APC: variants seen among roughly 807,000 people sequenced by gnomAD.
APC encodes the protein APC regulator of Wnt signaling pathway.
Under a neutral mutation model 247.0 loss-of-function variants are expected in APC, and 72 were observed. That is an observed-to-expected ratio of 0.29 (90% CI 0.24 to 0.35). The LOEUF (loss-of-function observed/expected upper bound fraction) is 0.35. APC is among the 10% of genes least tolerant of loss of function. The pLI is 1.00. For synonymous variants in APC, 1,254 were observed against 1,162.5 expected, an observed-to-expected ratio of 1.08 and a Z score of -1.60; for missense variants, 3,400 against 3,360.7, an observed-to-expected ratio of 1.01 and a Z score of -0.29.
chr5:112,829,010 C>CT, intron 14 of APC, 38 bp downstream of exon 14: 1 of 1,468,438 alleles, frequency 6.8e-7, no homozygotes, highest in Non-Finnish European at 9.5e-7. Flanking sequence ...ATATGAATTT[C>CT]ATGTTTGGCT....
At chr5:112,775,221 C>G (rs574956933) in intron 4 of APC, among the ~76,000 whole-genome samples, 10 of 152,222 alleles carry the variant, frequency 6.6e-5, no homozygotes, top group African/African-American at 2.2e-4. Flanking sequence ...GTAATAGCTT[C>G]TTATATTCTG....
intron 14 of APC, among the ~76,000 whole-genome samples, chr5:112,833,620 A>G (rs1408425003): frequency 6.6e-6 from 1 of 152,100 alleles, no homozygotes; most frequent in Non-Finnish European, 1.5e-5. Flanking sequence ...CACCACACCC[A>G]GCACATGGCA....
rs2149903735 is a variant in APC, at chr5:112,839,590, C to G, written c.3996C>G (p.Thr1332=). ...CAGCAGTGTCACAGCACCCTAGAAC[C>G]AAATCCAGCAGACTGCAGGGTTCTA... The part of the protein sequence containing the change: ...EVPAVSQHPR[T]KSSRLQGSSL... The change falls in exon 16 of 16, where the codon ACC becomes ACG. Residue 1332 remains threonine (T), a synonymous_variant. Transcript: ENST00000257430. This position sits in a 1 kb window ranked among gnomAD's most constrained non-coding sequence, Gnocchi z 5.0. 1 of 1,614,132 alleles carries G rather than the reference C, an allele frequency of 6.2e-7. No individual in the cohort carries two copies. The highest frequency in any genetic ancestry group is 8.5e-7 in the Non-Finnish European group (1 of 1,180,006).
intron 4 of APC, among the ~76,000 whole-genome samples, chr5:112,774,931 A>G (rs1271894131): frequency 1.3e-5 from 2 of 152,196 alleles, no homozygotes; most frequent in African/African-American, 4.8e-5. Context: ...AAATTATAAC[A>G]GTGGTAGCTC....
Position 112,768,488 on chromosome 5 carries a change from A to G in APC, c.422+1098A>G, listed in dbSNP as rs921880278. ...CTCTTTTCATTATGGAAGGCCCACTACAAGTGGCCACAAATGAAATACTTC... is the reference window on the plus strand; with the variant it reads ...CTCTTTTCATTATGGAAGGCCCACTGCAAGTGGCCACAAATGAAATACTTC... On this transcript the variant is annotated intron_variant, in intron 4 of 15. Coordinates refer to ENST00000257430, the MANE Select transcript of APC (RefSeq NM_000038.6). 7.9e-5 allele frequency among the ~76,000 whole-genome samples: 12 copies of G among 151,260 alleles called. No homozygotes were observed. In the South Asian group the frequency reaches 2.5e-3, roughly 32 times the overall value.
intron 1 of APC, among the ~76,000 whole-genome samples, chr5:112,732,108 G>A (rs538877723): frequency 6.6e-6 from 1 of 152,262 alleles, no homozygotes; most frequent in African/African-American, 2.4e-5. Context: ...TTTTTCTCAT[G>A]TTAATTGCCA....
chr5:112,810,465 A>G (rs1478305465), intron 8 of APC, among the ~76,000 whole-genome samples: 1 of 152,222 alleles, frequency 6.6e-6, no homozygotes, highest in Non-Finnish European at 1.5e-5. Context: ...TAGCCAAAGA[A>G]AGGAGAGCTG....
chr5:112,786,886 C>CTTTTTTTTTTTTTT (rs1171592849), intron 6 of APC, among the ~76,000 whole-genome samples: 9 of 118,118 alleles, frequency 7.6e-5, no homozygotes, highest in East Asian at 2.8e-4. Flanking sequence ...TTTTCTTTTT[C>CTTTTTTTTTTTTTT]TTTTTTTTTT....
intron 6 of APC, among the ~76,000 whole-genome samples, chr5:112,784,039 C>T (rs1758673966): frequency 6.6e-6 from 1 of 151,686 alleles, no homozygotes; most frequent in South Asian, 2.1e-4. Context: ...AAAGTAAAAA[C>T]ATCATCTACC....
At chr5:112,716,646 A>T (rs1751187261) in intron 1 of APC, among the ~76,000 whole-genome samples, 1 of 152,142 alleles carries the variant, frequency 6.6e-6, no homozygotes, top group African/African-American at 2.4e-5. Context: ...GTATGTTAAG[A>T]TGCTCCATTA....
chr5:112,721,300 G>A (rs1186439086), intron 1 of APC, among the ~76,000 whole-genome samples: 1 of 152,098 alleles, frequency 6.6e-6, no homozygotes, highest in Non-Finnish European at 1.5e-5. Context: ...TGTAATCCCA[G>A]CTACTCGAGA....
At chr5:112,737,136 A>G (rs535827086), upstream of APC, among the ~76,000 whole-genome samples, 2 of 152,216 alleles carry the variant, frequency 1.3e-5, no homozygotes, top group Non-Finnish European at 2.9e-5. Flanking sequence ...AAAGCCTCAG[A>G]TTTGTAGTAG....
intron 1 of APC, among the ~76,000 whole-genome samples, chr5:112,719,692 A>G (rs779041271): frequency 6.7e-6 from 1 of 149,806 alleles, no homozygotes; most frequent in Non-Finnish European, 1.5e-5. Flanking sequence ...GCACCATCAC[A>G]CCCGGCTAAT....
At chr5:112,743,535 A>G (rs1427155484) in intron 1 of APC, among the ~76,000 whole-genome samples, 3 of 152,248 alleles carry the variant, frequency 2.0e-5, no homozygotes, top group Non-Finnish European at 2.9e-5. Flanking sequence ...ATAGTATAAT[A>G]TATAATGATC....
intron 1 of APC, among the ~76,000 whole-genome samples, chr5:112,740,513 T>TG (rs1444963867): frequency 6.4e-5 from 9 of 139,584 alleles, no homozygotes; most frequent in East Asian, 6.3e-4. Context: ...TTGTTTTTTG[T>TG]GTTTTTTTTT....
Position 112,841,616 on chromosome 5 carries a change from G to A in APC, c.6022G>A (p.Ala2008Thr), listed in dbSNP as rs1343830702. 3.7e-6 allele frequency: 6 copies of A among 1,613,198 alleles called. No individual in the cohort carries two copies. The highest frequency in any genetic ancestry group is 5.1e-6 in the Non-Finnish European group (6 of 1,179,298). The part of the protein sequence containing the change: ...EPSKPQASGY[A>T]PKSFHVEDTP... Reference sequence around the variant, plus strand: ...AAGTAAACCTCAAGCATCAGGCTATGCTCCTAAATCATTTCATGTTGAAGA... The same window carrying A: ...AAGTAAACCTCAAGCATCAGGCTATACTCCTAAATCATTTCATGTTGAAGA... Residue 2008 changes from alanine to threonine, a missense_variant, in exon 16 of 16, where the codon GCT (alanine) becomes ACT (threonine). Ala to Thr is a moderately conservative substitution (Grantham distance 58). This residue lies in a region of APC where 1,788 missense variants were observed against 1,649.5 expected (regional missense o/e 1.08). Transcript: ENST00000257430. The surrounding 1 kb of genome is among the most constrained non-coding windows in gnomAD (Gnocchi z 4.6).
chr5:112,760,802 G>A (rs891896972), intron 2 of APC, among the ~76,000 whole-genome samples: 3 of 151,596 alleles, frequency 2.0e-5, no homozygotes, highest in Non-Finnish European at 4.4e-5. Flanking sequence ...TTGCAACTAG[G>A]TCTCAATCCA....
chr5:112,741,100 A>G (rs1318226313), intron 1 of APC, among the ~76,000 whole-genome samples: 1 of 152,188 alleles, frequency 6.6e-6, no homozygotes, highest in Non-Finnish European at 1.5e-5. Flanking sequence ...TATTCACTAC[A>G]TATTTATTAG....
Position 112,763,096 on chromosome 5 carries a change from AT to A in APC, c.136-3229del, listed in dbSNP as rs546528128. Among the ~76,000 whole-genome samples, 567 of 152,300 alleles carry A rather than the reference AT, an allele frequency of 3.7e-3. 5 individuals are homozygous for A. The highest frequency in any genetic ancestry group is 3.4e-3 in the Middle Eastern group (1 of 294). The stretch of plus-strand genomic sequence containing the variant: ...CTTTTTAAAAATTGTTTGACCTTAA[AT>A]CTTATTTACCTTTATGCTTATAGCT... On this transcript the variant is annotated intron_variant, in intron 2 of 15. Coordinates refer to ENST00000257430, the MANE Select transcript of APC (RefSeq NM_000038.6).
Sources: gnomAD v4.1 joint callset for allele counts (sites outside exome capture counted in the v4.1 genomes callset) on GRCh38, gnomAD v4.1.1 for gene constraint, gnomAD v4.1.1 regional missense constraint, Gnocchi (gnomAD v3.1) non-coding constraint, MANE v1.5 for transcripts, NCBI Gene and HGNC (gene_info 2026-07-23, HGNC 2026-07-21) for gene names.